Variants in DCST1 observed in about 807,000 individuals in gnomAD.
DCST1 encodes DC-STAMP domain containing 1.
In DCST1, 78 loss-of-function variants were observed where a neutral mutation model predicts 89.1. The observed-to-expected ratio is 0.88, with a 90% CI of 0.73 to 1.06. DCST1 has a LOEUF of 1.06. Ranked by LOEUF, DCST1 falls within the 50% of genes least tolerant of loss-of-function variation. The pLI is 0.00. For synonymous variants in DCST1, 364 were observed against 371.9 expected (o/e 0.98, Z 0.24); for missense variants, 900 against 928.6 (o/e 0.97, Z 0.40).
chr1:155,050,152 G>A (rs2102369241), intron 16 of DCST1, among the ~76,000 whole-genome samples: 1 of 152,280 alleles, frequency 6.6e-6, no homozygotes, highest in Admixed American at 6.5e-5. Flanking sequence ...ACTGTGTAGA[G>A]ACATGTCGTG....
Position 155,050,606 on chromosome 1 carries a change from C to A in DCST1, c.1870-11C>A. The A allele has an allele frequency of 6.4e-7, 1 of 1,570,748 alleles. No homozygotes were observed. Among genetic ancestry groups the A allele is most frequent in the South Asian group, 1.1e-5 (1 of 88,038 alleles). On this transcript the variant is annotated splice_polypyrimidine_tract_variant and intron_variant, in intron 16 of 16. Transcript: ENST00000295542. ...GCTCCCGGGCTGGCGCTAACGCCCA[C>A]CTCCCAACAGCGCCACCCGCTGGCG...
At chr1:155,048,862 A>G (rs1660750768) in intron 16 of DCST1, 1 of 601,264 alleles carries the variant, frequency 1.7e-6, no homozygotes, top group Non-Finnish European at 3.0e-6. Context: ...AGTGCAGTTC[A>G]AGGGACAGGA....
chr1:155,038,139 A>T (rs1412362824), intron 4 of DCST1, among the ~76,000 whole-genome samples: 3 of 152,222 alleles, frequency 2.0e-5, no homozygotes, highest in Non-Finnish European at 4.4e-5. Flanking sequence ...CAGGGAGAGG[A>T]GTGCTCCTGG....
At chr1:155,039,190 T>G (rs1660354923) in intron 4 of DCST1, among the ~76,000 whole-genome samples, 1 of 152,226 alleles carries the variant, frequency 6.6e-6, no homozygotes, top group Non-Finnish European at 1.5e-5. Context: ...CTCTATGCCC[T>G]TCCAGAGACT....
Position 155,041,439 on chromosome 1 carries a change from G to T in DCST1, c.574G>T (p.Ala192Ser). Residue 192 changes from alanine to serine, a missense_variant, in exon 7 of 17, where the codon GCC (alanine) becomes TCC (serine). Coordinates refer to ENST00000295542, the MANE Select transcript of DCST1 (RefSeq NM_152494.4). ...LLRAETRNISATFEDLDAQVN... is the reference protein window; with the variant it reads ...LLRAETRNISSTFEDLDAQVN... ...GAGAGCAGAGACTCGGAACATCTCC[G>T]CCACTTTTGAGGACCTGGATGCCCA... The T allele has an allele frequency of 6.2e-7, 1 of 1,613,974 alleles. No homozygotes were observed. The highest frequency in any genetic ancestry group is 1.1e-5 in the South Asian group (1 of 91,074).
intron 4 of DCST1, among the ~76,000 whole-genome samples, chr1:155,036,707 C>T (rs1660287132): frequency 1.3e-5 from 2 of 152,272 alleles, no homozygotes; most frequent in African/African-American, 4.8e-5. Context: ...GTGTAGCAGG[C>T]ACTCACACCC....
At chr1:155,040,680 A>G (rs913725816) in intron 6 of DCST1, 56 bp downstream of exon 6, 6 of 1,497,136 alleles carry the variant, frequency 4.0e-6, no homozygotes, top group Non-Finnish European at 4.5e-6. Flanking sequence ...GGCCAAGTTA[A>G]CTTGAGCTGG....
At position 155,048,123 on chromosome 1, in the gene DCST1, C is replaced by T. The variant is rs1660719685; in HGVS notation, c.1822C>T (p.Leu608Phe). Reference sequence around the variant, plus strand: ...GAAGAAAAGAGCAGCCTTCACCAAACTCAGGAGGGCCGCTATCCTGAGGCG... The same window carrying T: ...GAAGAAAAGAGCAGCCTTCACCAAATTCAGGAGGGCCGCTATCCTGAGGCG... ...LLKKRAAFTKLRRAAILRRER... is the reference protein window; with the variant it reads ...LLKKRAAFTKFRRAAILRRER... Residue 608 changes from leucine (L) to phenylalanine (F), a missense_variant, in exon 16 of 17, where the codon CTC becomes TTC. Physicochemically the swap from Leu to Phe is conservative, Grantham distance 22. Transcript: ENST00000295542. The T allele has an allele frequency of 6.2e-7, 1 of 1,614,142 alleles. No individual in the cohort carries two copies. Among genetic ancestry groups the T allele is most frequent in the Non-Finnish European group, 8.5e-7 (1 of 1,180,024 alleles).
At chr1:155,045,314 G>A (rs1386509981) in intron 10 of DCST1, 1 of 155,112 alleles carries the variant, frequency 6.4e-6, no homozygotes, top group Non-Finnish European at 1.4e-5. Flanking sequence ...ATGGGGGATA[G>A]CTATATATGC....
rs766931391 is a variant in DCST1 at position 155,047,759 on chromosome 1, C to G, written c.1613-28C>G. ...TGCCCTGCCCCTTGGCTGGTCCTGA[C>G]CAGACCCCTGGCCTGCCCCTCCCCT... On this transcript the variant is annotated intron_variant, in intron 14 of 16. Transcript: ENST00000295542. 5 of 1,608,608 alleles carry G rather than the reference C, an allele frequency of 3.1e-6. No homozygotes were observed. The East Asian group carries it at 1.1e-4, about 36-fold the overall frequency.
intron 13 of DCST1, 114 bp downstream of exon 13, chr1:155,046,600 CTTTTT>C (rs71077975): frequency 2.5e-4 from 131 of 534,222 alleles, no homozygotes; most frequent in Middle Eastern, 7.2e-4. Context: ...CCTTCTGCCT[CTTTTT>C]TTTTTTTTTT....
chr1:155,049,264 C>T, intron 16 of DCST1: 1 of 559,916 alleles, frequency 1.8e-6, no homozygotes, highest in Non-Finnish European at 3.2e-6. Context: ...ATGAGTTGTA[C>T]TTACATGGTG....
At chr1:155,044,100 G>T (rs1420494293) in intron 10 of DCST1, among the ~76,000 whole-genome samples, 1 of 152,208 alleles carries the variant, frequency 6.6e-6, no homozygotes, top group East Asian at 1.9e-4. Context: ...TATGTGGGGG[G>T]CCTAGAGTGA....
intron 14 of DCST1, 35 bp downstream of exon 14, chr1:155,047,347 G>T (rs764159039): frequency 1.3e-6 from 2 of 1,578,320 alleles, no homozygotes; most frequent in South Asian, 1.1e-5. Context: ...CAGAGGAATC[G>T]AGGGCGGTGG....
chr1:155,039,048 A>G (rs2102352962), intron 4 of DCST1, among the ~76,000 whole-genome samples: 1 of 152,106 alleles, frequency 6.6e-6, no homozygotes, highest in East Asian at 1.9e-4. Flanking sequence ...GTTTCCAGAT[A>G]TTTTCTCTTG....
chr1:155,034,299 C>T (rs780832525), intron 2 of DCST1, 136 bp from the exon 3 acceptor site: 12 of 1,597,152 alleles, frequency 7.5e-6, no homozygotes, highest in South Asian at 3.3e-5. Context: ...CCTCATCCTC[C>T]TCCAGGGTCC....
chr1:155,036,432 A>G (rs558130428), intron 4 of DCST1, among the ~76,000 whole-genome samples: 80 of 152,312 alleles, frequency 5.3e-4, no homozygotes, highest in Middle Eastern at 3.4e-3. Context: ...AGTCCACTCT[A>G]CATCAGACTT....
chr1:155,050,570 T>C (rs2102370710), intron 16 of DCST1, 47 bp from the exon 17 acceptor site: 1 of 1,518,466 alleles, frequency 6.6e-7, no homozygotes, highest in South Asian at 1.3e-5. Flanking sequence ...GTTCCCCTTC[T>C]TTCCCGCCTC....
At position 155,040,605 on chromosome 1, in the gene DCST1, C is replaced by T. The variant is rs759525838; in HGVS notation, c.512C>T (p.Ala171Val). The change falls in exon 6 of 17, where the codon GCC becomes GTC. Residue 171 changes from alanine (A) to valine (V), a missense_variant. Coordinates refer to ENST00000295542, the MANE Select transcript of DCST1 (RefSeq NM_152494.4). ...CGCATCTCCACAGCCCCCTTACGGGCCATGTTCAAGGACCTGCTGGTCAGG... is the reference window on the plus strand; with the variant it reads ...CGCATCTCCACAGCCCCCTTACGGGTCATGTTCAAGGACCTGCTGGTCAGG... ...AWRISTAPLR[A>V]MFKDLLSSKE... 10 of 1,580,412 alleles carry T rather than the reference C, an allele frequency of 6.3e-6. No individual in the cohort carries two copies. The highest frequency in any genetic ancestry group is 8.6e-6 in the Non-Finnish European group (10 of 1,162,496).
Sources: gnomAD v4.1 joint callset for allele counts (sites outside exome capture counted in the v4.1 genomes callset) on GRCh38, gnomAD v4.1.1 for gene constraint, MANE v1.5 for transcripts, NCBI Gene and HGNC (gene_info 2026-07-23, HGNC 2026-07-21) for gene names.